EFL1: variants seen among roughly 807,000 people sequenced by gnomAD.
EFL1 encodes elongation factor like GTPase 1.
A neutral mutation model predicts 126.7 loss-of-function variants in EFL1; 76 were observed. The ratio of observed to expected loss-of-function variants is 0.60; its 90% CI spans 0.50 to 0.73. The LOEUF (loss-of-function observed/expected upper bound fraction) is 0.73, where lower values mean the gene tolerates loss of function less well. Among genes scored for constraint, EFL1 ranks in the 30% least tolerant of loss-of-function variants. The pLI is 0.00. For missense variants in EFL1, 1,128 were observed against 1,343.2 expected, an observed-to-expected ratio of 0.84 and a Z score of 2.50; for synonymous variants, 410 against 448.4, an observed-to-expected ratio of 0.91 and a Z score of 1.08.
chr15:82,130,383 T>C lies in EFL1; in HGVS notation c.3353A>G (p.Lys1118Arg). ...ACCAGTAGTAGGTAGCTACTTATTT[T>C]TGCTGAGTGTCCTCTGCTTTTCTGC... is the stretch of plus-strand genomic sequence containing the variant. ...EHAEKQRTLS[K>R]NK Residue 1118 changes from lysine to arginine, a missense_variant, in exon 20 of 20, where the codon AAA (lysine) becomes AGA (arginine). Transcript: ENST00000268206. The C allele has an allele frequency of 6.2e-7, 1 of 1,614,102 alleles. No homozygotes were observed. Among genetic ancestry groups the C allele is most frequent in the Non-Finnish European group, 8.5e-7 (1 of 1,179,988 alleles).
intron 17 of EFL1, among the ~76,000 whole-genome samples, chr15:82,154,430 C>T (rs1220964167): frequency 6.6e-6 from 1 of 152,144 alleles, no homozygotes; most frequent in Non-Finnish European, 1.5e-5. Flanking sequence ...TTATATACTA[C>T]CAAAAGGTAG....
intron 3 of EFL1, among the ~76,000 whole-genome samples, chr15:82,255,861 G>C (rs1461942401): frequency 6.6e-6 from 1 of 152,096 alleles, no homozygotes; most frequent in Non-Finnish European, 1.5e-5. Flanking sequence ...TCTTGCCAGT[G>C]GGTAAGATGT....
At chr15:82,204,975 G>C (rs1431470428) in intron 15 of EFL1, among the ~76,000 whole-genome samples, 1 of 152,188 alleles carries the variant, frequency 6.6e-6, no homozygotes, top group Non-Finnish European at 1.5e-5. Flanking sequence ...AATAGGATTA[G>C]TAGGGCCAAA....
intron 15 of EFL1, among the ~76,000 whole-genome samples, chr15:82,204,722 A>G (rs2141285558): frequency 6.6e-6 from 1 of 152,234 alleles, no homozygotes; most frequent in Non-Finnish European, 1.5e-5. Context: ...ATTACCGCCC[A>G]CCTACTCTTT....
intron 15 of EFL1, among the ~76,000 whole-genome samples, chr15:82,198,449 G>A (rs1173944166): frequency 5.3e-5 from 8 of 152,102 alleles, no homozygotes. Context: ...ATTTTGTTTT[G>A]TTTAAAAAAC....
chr15:82,149,352 T>A (rs1051277980), intron 18 of EFL1, among the ~76,000 whole-genome samples: 1 of 152,204 alleles, frequency 6.6e-6, no homozygotes, highest in Non-Finnish European at 1.5e-5. Context: ...TACCAAAAAT[T>A]TGGATTCTGC....
intron 12 of EFL1, among the ~76,000 whole-genome samples, chr15:82,224,870 T>G (rs1312163565): frequency 6.6e-6 from 1 of 152,204 alleles, no homozygotes; most frequent in Non-Finnish European, 1.5e-5. Context: ...AGATTAGAAC[T>G]TGCCTGACAT....
intron 15 of EFL1, among the ~76,000 whole-genome samples, chr15:82,170,100 G>A (rs1383083399): frequency 6.8e-6 from 1 of 147,820 alleles, no homozygotes; most frequent in Admixed American, 6.7e-5. Flanking sequence ...TGGCACCACT[G>A]GATGTCTTTT....
At chr15:82,230,719 A>G (rs1211554971) in intron 8 of EFL1, 129 bp downstream of exon 8, 3 of 1,093,200 alleles carry the variant, frequency 2.7e-6, no homozygotes, top group Non-Finnish European at 2.5e-6. Context: ...AATTATATAC[A>G]GTAAAAAATC....
intron 15 of EFL1, among the ~76,000 whole-genome samples, chr15:82,203,925 G>A (rs1399986364): frequency 5.3e-5 from 8 of 152,100 alleles, no homozygotes; most frequent in Non-Finnish European, 1.5e-5. Context: ...CTTTAAGAGT[G>A]TACTTAAAGC....
intron 15 of EFL1, among the ~76,000 whole-genome samples, chr15:82,202,254 TCCCC>T (rs1567061207): frequency 6.6e-6 from 1 of 151,988 alleles, no homozygotes; most frequent in Admixed American, 6.6e-5. Flanking sequence ...AGAGTACTTT[TCCCC>T]CAGAAAAGTA....
chr15:82,240,664 A>T, intron 5 of EFL1, 109 bp from the exon 6 acceptor site: 1 of 1,268,716 alleles, frequency 7.9e-7, no homozygotes, highest in Non-Finnish European at 1.1e-6. Context: ...AGACAAAGGT[A>T]TTCATTAGGC....
chr15:82,218,642 T>C (rs1216973251), intron 14 of EFL1, among the ~76,000 whole-genome samples: 1 of 152,120 alleles, frequency 6.6e-6, no homozygotes. Context: ...GTATAAAAAA[T>C]CATAGATGAG....
intron 7 of EFL1, 44 bp from the exon 8 acceptor site, chr15:82,231,015 T>C: frequency 1.3e-6 from 2 of 1,598,426 alleles, no homozygotes; most frequent in Admixed American, 1.7e-5. Flanking sequence ...ACAACGATTA[T>C]TGATTTCTGT....
At chr15:82,177,434 T>C (rs1248010412) in intron 15 of EFL1, among the ~76,000 whole-genome samples, 1 of 152,144 alleles carries the variant, frequency 6.6e-6, no homozygotes, top group African/African-American at 2.4e-5. Flanking sequence ...AAATGTGGCT[T>C]TCATTGCGAA....
intron 19 of EFL1, among the ~76,000 whole-genome samples, chr15:82,133,636 A>G (rs1231084941): frequency 6.6e-6 from 1 of 152,220 alleles, no homozygotes; most frequent in East Asian, 1.9e-4. Context: ...GTAACTTCCT[A>G]TGGAAAAAAA....
At chr15:82,189,689 C>T (rs1439328857) in intron 15 of EFL1, among the ~76,000 whole-genome samples, 1 of 152,130 alleles carries the variant, frequency 6.6e-6, no homozygotes, top group Non-Finnish European at 1.5e-5. Context: ...TCAATGAGAG[C>T]CCAAGTCCTT....
intron 14 of EFL1, among the ~76,000 whole-genome samples, chr15:82,217,253 T>C (rs1227239532): frequency 6.6e-6 from 1 of 151,716 alleles, no homozygotes; most frequent in Non-Finnish European, 1.5e-5. Context: ...AAATTGGAAT[T>C]ATCTTGTTAA....
chr15:82,149,228 T>A (rs1595942444), intron 18 of EFL1, among the ~76,000 whole-genome samples: 1 of 152,116 alleles, frequency 6.6e-6, no homozygotes, highest in African/African-American at 2.4e-5. Flanking sequence ...AGAAAAAAAT[T>A]AAGTGTATAG....
Sources: allele counts gnomAD v4.1 joint callset (sites outside exome capture counted in the v4.1 genomes callset), GRCh38; gene constraint gnomAD v4.1.1; transcripts MANE v1.5; gene names NCBI Gene and HGNC (gene_info 2026-07-23, HGNC 2026-07-21).